MYO18B: variants seen among roughly 807,000 people sequenced by gnomAD.
MYO18B encodes the protein myosin XVIIIB.
Under a neutral mutation model 273.0 loss-of-function variants are expected in MYO18B, and 204 were observed. That is an observed-to-expected ratio of 0.75 (90% CI 0.67 to 0.84). The LOEUF is 0.84. Among genes scored for constraint, MYO18B ranks in the 40% least tolerant of loss-of-function variants. The pLI is 0.00. For synonymous variants in MYO18B, 1,330 were observed against 1,305.7 expected (o/e 1.02, Z -0.40); for missense variants, 3,212 against 3,287.6 (o/e 0.98, Z 0.56).
intron 43 of MYO18B, among the ~76,000 whole-genome samples, chr22:26,029,813 G>C (rs1333608836): frequency 2.6e-5 from 4 of 152,080 alleles, no homozygotes; most frequent in Non-Finnish European, 5.9e-5. Context: ...TTGGAAAACA[G>C]GGGTAAGAAT....
rs776191467 is a variant in MYO18B, at chr22:26,027,708, G to A, written c.*12+18G>A. 3.2e-6 allele frequency: 5 copies of A among 1,570,764 alleles called. No homozygotes were observed. Among genetic ancestry groups the A allele is most frequent in the African/African-American group, 1.4e-5 (1 of 74,038 alleles). On this transcript the variant is annotated intron_variant, in intron 43 of 43. Coordinates refer to ENST00000335473, the MANE Select transcript of MYO18B (RefSeq NM_032608.7). The surrounding 1 kb of genome is among the most constrained non-coding windows in gnomAD (Gnocchi z 4.1). ...CAGTTCAGGTAAAAGCAACAGGCTG[G>A]GGCTATTCTTGGGGGAATGAGAGTT...
chr22:25,861,792 G>A (rs780293044), intron 21 of MYO18B, among the ~76,000 whole-genome samples: 3 of 151,982 alleles, frequency 2.0e-5, no homozygotes, highest in South Asian at 4.2e-4. Flanking sequence ...ATTGTTCTAC[G>A]GTTTACAATA....
rs747194612 is a variant in MYO18B at position 25,898,454 on chromosome 22, CAGA to C, written c.4822_4823+1del. 5.0e-6 allele frequency: 8 copies of C among 1,613,358 alleles called. No individual in the cohort carries two copies. Among genetic ancestry groups the C allele is most frequent in the South Asian group, 1.1e-5 (1 of 90,994 alleles). On this transcript the variant is annotated inframe_deletion, in exon 29 of 44. Transcript: ENST00000335473. ...TCGAAACCATGAGCTGGAGAAGAAGCAGAAGAAGTGAGTTGCATCTCTCACCAT... is the reference window on the plus strand; with the variant it reads ...TCGAAACCATGAGCTGGAGAAGAAGCAGAAGTGAGTTGCATCTCTCACCAT...
intron 15 of MYO18B, among the ~76,000 whole-genome samples, 197 bp downstream of exon 15, chr22:25,829,165 C>T (rs927750687): frequency 2.0e-5 from 3 of 152,218 alleles, no homozygotes; most frequent in African/African-American, 7.2e-5. Context: ...CCCCTGCCAC[C>T]TTCTGAACCC....
chr22:26,035,469 A>C (rs1265071970), downstream of MYO18B, among the ~76,000 whole-genome samples: 1 of 152,194 alleles, frequency 6.6e-6, no homozygotes, highest in African/African-American at 2.4e-5. Context: ...GTGATGCAGA[A>C]GAGAAGGAGA....
chr22:25,965,618 A>G (rs1483311061), intron 39 of MYO18B, among the ~76,000 whole-genome samples: 1 of 152,218 alleles, frequency 6.6e-6, no homozygotes, highest in Non-Finnish European at 1.5e-5. Flanking sequence ...GCATCATTAT[A>G]TATCATTTGC....
intron 2 of MYO18B, 138 bp downstream of exon 2, chr22:25,761,269 A>C: frequency 2.0e-6 from 2 of 977,570 alleles, no homozygotes; most frequent in Non-Finnish European, 3.2e-6. Flanking sequence ...TCCCACCTTC[A>C]ACCTTCTCCC....
chr22:26,025,539 G>A (rs1441050945), intron 42 of MYO18B, among the ~76,000 whole-genome samples: 1 of 152,170 alleles, frequency 6.6e-6, no homozygotes, highest in East Asian at 1.9e-4. Flanking sequence ...TCAGGCCTGA[G>A]CCCACAGTGG....
At chr22:25,872,231 G>A (rs2091067542) in intron 22 of MYO18B, among the ~76,000 whole-genome samples, 1 of 152,080 alleles carries the variant, frequency 6.6e-6, no homozygotes, top group Non-Finnish European at 1.5e-5. Context: ...GGAGATGAGT[G>A]GTCTCCATTA....
chr22:26,004,089 TATA>T (rs1280201079), intron 41 of MYO18B, among the ~76,000 whole-genome samples: 1 of 151,246 alleles, frequency 6.6e-6, no homozygotes, highest in African/African-American at 2.4e-5. Flanking sequence ...AACTATATAT[TATA>T]ATATATATAC....
chr22:25,921,702 TTGTGTGTGTGTGTGTG>T (rs3070571), intron 34 of MYO18B, among the ~76,000 whole-genome samples: 11 of 145,596 alleles, frequency 7.6e-5, no homozygotes, highest in South Asian at 2.2e-4. Flanking sequence ...AGTGTGCCTG[TTGTGTGTGTGTGTGTG>T]TGTGTGTGTG....
At chr22:25,899,066 C>T (rs16981003) in intron 29 of MYO18B, 12,138 of 152,534 alleles carry the variant, frequency 0.08, 898 homozygotes, top group African/African-American at 0.2. Flanking sequence ...TCTCAGATCA[C>T]GTGAGCCATT....
intron 33 of MYO18B, among the ~76,000 whole-genome samples, chr22:25,919,758 A>G (rs1569190452): frequency 6.6e-6 from 1 of 152,134 alleles, no homozygotes; most frequent in Non-Finnish European, 1.5e-5. Flanking sequence ...TTTCAGATAT[A>G]AAGACCGTAT....
chr22:25,904,385 C>T (rs574628462), intron 31 of MYO18B, among the ~76,000 whole-genome samples: 33 of 152,196 alleles, frequency 2.2e-4, no homozygotes, highest in Non-Finnish European at 3.4e-4. Context: ...CGAATCTCCA[C>T]ATGAACCTTA....
intron 3 of MYO18B, among the ~76,000 whole-genome samples, chr22:25,765,947 C>A (rs759418812): frequency 5.3e-5 from 8 of 152,188 alleles, no homozygotes; most frequent in Admixed American, 1.3e-4. Context: ...TGCCTTCCCC[C>A]AGAAGGTCAG....
At chr22:25,859,232 T>G (rs1032361806) in intron 21 of MYO18B, among the ~76,000 whole-genome samples, 1 of 152,238 alleles carries the variant, frequency 6.6e-6, no homozygotes, top group Non-Finnish European at 1.5e-5. Context: ...TATTTTTTGA[T>G]TAATAGTAGT....
chr22:25,822,749 C>A (rs1655589263), intron 12 of MYO18B, among the ~76,000 whole-genome samples: 1 of 152,202 alleles, frequency 6.6e-6, no homozygotes, highest in Non-Finnish European at 1.5e-5. Flanking sequence ...AAATTCTTGG[C>A]CTTTTTAAAG....
At chr22:25,750,674 C>T (rs78033969) in intron 1 of MYO18B, among the ~76,000 whole-genome samples, 1 of 152,164 alleles carries the variant, frequency 6.6e-6, no homozygotes. Context: ...AATGAAGATC[C>T]AATTAATAAA....
chr22:25,909,427 G>C (rs991032023), intron 32 of MYO18B, among the ~76,000 whole-genome samples: 2 of 152,188 alleles, frequency 1.3e-5, no homozygotes, highest in African/African-American at 2.4e-5. Context: ...AGAGCGCCTT[G>C]TATTTCTCTC....
Sources: gnomAD v4.1 joint callset for allele counts (sites outside exome capture counted in the v4.1 genomes callset) on GRCh38, gnomAD v4.1.1 for gene constraint, Gnocchi (gnomAD v3.1) non-coding constraint, MANE v1.5 for transcripts, NCBI Gene and HGNC (gene_info 2026-07-23, HGNC 2026-07-21) for gene names.